The following PRKD1 variants were observed in gnomAD, a reference collection of about 807,000 sequenced individuals.
PRKD1 encodes the protein protein kinase D1.
In PRKD1, 63 loss-of-function variants were observed where a neutral mutation model predicts 95.9. The observed-to-expected ratio is 0.66, with a 90% confidence interval of 0.54 to 0.81. The LOEUF (loss-of-function observed/expected upper bound fraction) is 0.81. Among genes scored for constraint, PRKD1 ranks in the 30% least tolerant of loss-of-function variants. PRKD1 has a pLI of 0.00. For missense variants in PRKD1, 1,048 were observed against 1,165.3 expected (o/e 0.90, Z 1.47); for synonymous variants, 425 against 423.1 (o/e 1.00, Z -0.05).
intron 1 of PRKD1, among the ~76,000 whole-genome samples, chr14:29,889,111 G>C (rs760743662): frequency 2.0e-5 from 3 of 152,116 alleles, no homozygotes; most frequent in African/African-American, 7.2e-5. Flanking sequence ...TACTACTTGA[G>C]ACATTCAAAT....
chr14:29,698,588 T>C (rs1323997437), intron 2 of PRKD1, among the ~76,000 whole-genome samples: 1 of 151,958 alleles, frequency 6.6e-6, no homozygotes, highest in Non-Finnish European at 1.5e-5. Flanking sequence ...ACTCTCGAAA[T>C]TGGGAAAGGG....
intron 1 of PRKD1, among the ~76,000 whole-genome samples, chr14:29,862,185 C>T (rs1279315436): frequency 6.6e-6 from 1 of 152,194 alleles, no homozygotes; most frequent in Non-Finnish European, 1.5e-5. Flanking sequence ...ACCAGTTCCA[C>T]CCATGTTGTT....
At chr14:29,716,082 A>C (rs1336739660) in intron 2 of PRKD1, among the ~76,000 whole-genome samples, 1 of 152,174 alleles carries the variant, frequency 6.6e-6, no homozygotes, top group Non-Finnish European at 1.5e-5. Flanking sequence ...GCTTCACAGT[A>C]ACCAGAGCAT....
intron 16 of PRKD1, among the ~76,000 whole-genome samples, chr14:29,580,680 T>A (rs1417321739): frequency 6.6e-6 from 1 of 152,146 alleles, no homozygotes; most frequent in Non-Finnish European, 1.5e-5. Flanking sequence ...CAATCCAGCA[T>A]TAACTATACC....
At chr14:29,904,223 C>T (rs1894418699) in intron 1 of PRKD1, among the ~76,000 whole-genome samples, 1 of 152,084 alleles carries the variant, frequency 6.6e-6, no homozygotes, top group Admixed American at 6.6e-5. Flanking sequence ...CAATCAAAAG[C>T]ACTGTAAAAT....
intron 1 of PRKD1, among the ~76,000 whole-genome samples, chr14:29,915,501 C>G (rs1894859905): frequency 6.6e-6 from 1 of 152,134 alleles, no homozygotes; most frequent in Non-Finnish European, 1.5e-5. Context: ...TCAAATTTCA[C>G]TAATTTCCCC....
chr14:29,804,191 G>A (rs985565402), intron 1 of PRKD1, among the ~76,000 whole-genome samples: 2 of 149,668 alleles, frequency 1.3e-5, no homozygotes, highest in African/African-American at 2.5e-5. Context: ...GCAATGAGCC[G>A]AGATCAGGCC....
At chr14:29,839,675 A>G (rs1413992600) in intron 1 of PRKD1, among the ~76,000 whole-genome samples, 2 of 151,970 alleles carry the variant, frequency 1.3e-5, no homozygotes, top group African/African-American at 2.4e-5. Context: ...TGGACATCCC[A>G]GCATTTCCAT....
intron 1 of PRKD1, among the ~76,000 whole-genome samples, chr14:29,780,145 G>A (rs985113455): frequency 2.6e-5 from 4 of 152,164 alleles, no homozygotes; most frequent in African/African-American, 9.7e-5. Flanking sequence ...ATTCAAGATG[G>A]ATTAAAGACT....
In PRKD1 at chr14:29,886,364, G is replaced by T. The variant is rs559707119; in HGVS notation, c.264+40885C>A. On this transcript the variant is annotated intron_variant, in intron 1 of 17. Coordinates refer to ENST00000331968, the MANE Select transcript of PRKD1 (RefSeq NM_002742.3). ...AAAGATGTGAAACTGGAACATAAAG[G>T]ATTTCTATTCTTTCCAAACGTAGAT... is the stretch of plus-strand genomic sequence containing the variant. Among the ~76,000 whole-genome samples the T allele has an allele frequency of 9.2e-5, 14 of 152,256 alleles. No individual in the cohort carries two copies. The South Asian group carries it at 2.9e-3, about 32-fold the overall frequency.
intron 1 of PRKD1, among the ~76,000 whole-genome samples, chr14:29,765,827 A>T (rs1475147995): frequency 6.6e-6 from 1 of 152,124 alleles, no homozygotes; most frequent in Non-Finnish European, 1.5e-5. Flanking sequence ...ACCAAACAAT[A>T]TTATTTAGGT....
intron 2 of PRKD1, among the ~76,000 whole-genome samples, chr14:29,694,542 GC>G (rs2139307311): frequency 6.6e-6 from 1 of 152,288 alleles, no homozygotes; most frequent in East Asian, 1.9e-4. Context: ...TGAAGATAAG[GC>G]AGTGAAAAAT....
At chr14:29,674,945 T>G (rs1164314085) in intron 2 of PRKD1, among the ~76,000 whole-genome samples, 2 of 152,238 alleles carry the variant, frequency 1.3e-5, no homozygotes, top group Non-Finnish European at 2.9e-5. Context: ...AAACAGATGC[T>G]TACTTTCGAT....
chr14:29,705,408 C>G (rs1021308702), intron 2 of PRKD1, among the ~76,000 whole-genome samples: 1 of 151,522 alleles, frequency 6.6e-6, no homozygotes, highest in African/African-American at 2.4e-5. Context: ...CCTAACCCTC[C>G]TTTTATCAAA....
chr14:29,638,572 C>T lies in PRKD1; in HGVS notation c.908-6G>A. ...ATGGCAGTTGAATCTGCAATCTAAT[C>T]CCAGTGATTTTCAAACAAAACAAAA... On this transcript the variant is annotated splice_region_variant and splice_polypyrimidine_tract_variant and intron_variant, in intron 5 of 17. Transcript: ENST00000331968. 1 of 1,614,114 alleles carries T rather than the reference C, an allele frequency of 6.2e-7. No individual in the cohort carries two copies. The highest frequency in any genetic ancestry group is 8.5e-7 in the Non-Finnish European group (1 of 1,179,992).
intron 1 of PRKD1, among the ~76,000 whole-genome samples, chr14:29,760,514 C>G (rs1211485767): frequency 4.6e-5 from 7 of 151,962 alleles, no homozygotes; most frequent in Admixed American, 4.6e-4. Flanking sequence ...TGCTACCACC[C>G]TCGGCTAATT....
At chr14:29,676,192 T>TTTTTTTTTGG in intron 2 of PRKD1, among the ~76,000 whole-genome samples, 1 of 128,528 alleles carries the variant, frequency 7.8e-6, no homozygotes, top group African/African-American at 3.1e-5. Flanking sequence ...TGTTTTTTTT[T>TTTTTTTTTGG]TTTTTTTTTT....
chr14:29,873,506 T>G (rs1202439685), intron 1 of PRKD1, among the ~76,000 whole-genome samples: 1 of 152,212 alleles, frequency 6.6e-6, no homozygotes, highest in Non-Finnish European at 1.5e-5. Context: ...AAGTCAAATC[T>G]TGCATAGAGC....
chr14:29,763,347 CAAGGAAGGAAGGAAGGAAGGAGGG>C (rs1888093667), intron 1 of PRKD1, among the ~76,000 whole-genome samples: 1 of 88,316 alleles, frequency 1.1e-5, no homozygotes, highest in African/African-American at 4.0e-5. Flanking sequence ...AGGAACGAAG[CAAGGAAGGAAGGAAGGAAGGAGGG>C]AAGGAAGGAA....
Sources: gnomAD v4.1 joint callset for allele counts (sites outside exome capture counted in the v4.1 genomes callset) on GRCh38, gnomAD v4.1.1 for gene constraint, MANE v1.5 for transcripts, NCBI Gene and HGNC (gene_info 2026-07-23, HGNC 2026-07-21) for gene names.